ERC1: variants seen among roughly 807,000 people sequenced by gnomAD.
The protein encoded by ERC1 is ELKS/RAB6-interacting/CAST family member 1.
A neutral mutation model predicts 132.0 loss-of-function variants in ERC1; 56 were observed. The observed-to-expected ratio is 0.42, with a 90% CI of 0.34 to 0.53. The LOEUF (loss-of-function observed/expected upper bound fraction) is 0.53, where lower values mean the gene tolerates loss of function less well. Ranked by LOEUF, ERC1 falls within the 20% of genes least tolerant of loss-of-function variation. ERC1 has a pLI of 0.03. For synonymous variants in ERC1, 478 were observed against 476.1 expected, an observed-to-expected ratio of 1.00 and a Z score of -0.05; for missense variants, 1,202 against 1,349.9, an observed-to-expected ratio of 0.89 and a Z score of 1.72.
At chr12:1,334,988 G>A (rs1282725065) in intron 15 of ERC1, among the ~76,000 whole-genome samples, 1 of 152,046 alleles carries the variant, frequency 6.6e-6, no homozygotes. Context: ...ACTTTTTCAG[G>A]CACGTGTAAA....
chr12:1,116,421 T>C (rs1946447565), intron 7 of ERC1, among the ~76,000 whole-genome samples: 1 of 152,182 alleles, frequency 6.6e-6, no homozygotes, highest in Admixed American at 6.5e-5. Flanking sequence ...TGGAGTACAT[T>C]TAAGTGTCTT....
intron 1 of ERC1, among the ~76,000 whole-genome samples, chr12:1,012,641 A>C (rs966837736): frequency 2.0e-5 from 3 of 151,722 alleles, no homozygotes; most frequent in African/African-American, 7.3e-5. Flanking sequence ...TTTTTAGTAG[A>C]GACGGGGTTT....
intron 2 of ERC1, among the ~76,000 whole-genome samples, chr12:1,041,435 G>C (rs2154160200): frequency 6.6e-6 from 1 of 152,274 alleles, no homozygotes; most frequent in East Asian, 1.9e-4. Context: ...TGGAACTCCT[G>C]ACCTCAGGTG....
At chr12:1,050,670 C>CT (rs1269337372) in intron 2 of ERC1, among the ~76,000 whole-genome samples, 22 of 152,046 alleles carry the variant, frequency 1.4e-4, no homozygotes, top group Non-Finnish European at 2.6e-4. Flanking sequence ...TAAAATGAAA[C>CT]TGTCACTACT....
chr12:1,016,729 C>G (rs1965588115), intron 1 of ERC1, among the ~76,000 whole-genome samples: 1 of 150,050 alleles, frequency 6.7e-6, no homozygotes, highest in African/African-American at 2.5e-5. Flanking sequence ...CGGCTCACTG[C>G]AACCTCCGCC....
chr12:1,098,836 A>G (rs575946590), intron 3 of ERC1, among the ~76,000 whole-genome samples: 5 of 152,222 alleles, frequency 3.3e-5, no homozygotes, highest in Admixed American at 6.5e-5. Flanking sequence ...TTAGATGGAA[A>G]AGAGAAAAAG....
At chr12:1,021,553 G>A (rs1184737950) in intron 1 of ERC1, among the ~76,000 whole-genome samples, 1 of 151,976 alleles carries the variant, frequency 6.6e-6, no homozygotes, top group East Asian at 1.9e-4. Context: ...CAAAAAATTA[G>A]CCGGGCGTGG....
At chr12:1,022,092 A>G (rs1007340239) in intron 1 of ERC1, among the ~76,000 whole-genome samples, 1 of 152,180 alleles carries the variant, frequency 6.6e-6, no homozygotes, top group African/African-American at 2.4e-5. Flanking sequence ...TCCTATCTCT[A>G]TTCTCCTATA....
At chr12:1,457,246 C>T (rs185663687) in intron 18 of ERC1, among the ~76,000 whole-genome samples, 6 of 152,260 alleles carry the variant, frequency 3.9e-5, no homozygotes, top group Admixed American at 3.3e-4. Flanking sequence ...GACCTCCTGA[C>T]GATGCATTTC....
chr12:1,035,839 G>A (rs550896559), intron 2 of ERC1, among the ~76,000 whole-genome samples: 15 of 152,018 alleles, frequency 9.9e-5, no homozygotes, highest in Middle Eastern at 3.4e-3. Flanking sequence ...GGAGAATGGC[G>A]TGAACCCGAG....
chr12:1,218,693 T>C (rs1376999754), intron 12 of ERC1, among the ~76,000 whole-genome samples: 2 of 152,046 alleles, frequency 1.3e-5, no homozygotes, highest in Admixed American at 1.3e-4. Flanking sequence ...ACTGTTTTCT[T>C]CTGGTATCTC....
At chr12:1,235,356 C>G (rs942980700) in intron 12 of ERC1, among the ~76,000 whole-genome samples, 3 of 152,056 alleles carry the variant, frequency 2.0e-5, no homozygotes, top group African/African-American at 7.2e-5. Context: ...GAGATCCCAT[C>G]TCGGAAGAAA....
intron 1 of ERC1, among the ~76,000 whole-genome samples, chr12:1,009,320 G>A (rs981536389): frequency 2.0e-4 from 31 of 151,998 alleles, no homozygotes; most frequent in Admixed American, 2.0e-3. Context: ...GACTACAGGT[G>A]CCCGCCACCA....
Position 1,491,187 on chromosome 12 carries a change from T to C in ERC1, c.*957T>C, listed in dbSNP as rs2094315384. On this transcript the variant is annotated 3_prime_UTR_variant, in exon 19 of 19. Transcript: ENST00000360905. ...CCGTTGCTCTTGGGCTGGTTTCCCC[T>C]GAACACCTCCAAGAGGCTGCCTGCC... 1 of 231,644 alleles carries C rather than the reference T, an allele frequency of 4.3e-6. No individual in the cohort carries two copies. Among genetic ancestry groups the C allele is most frequent in the Admixed American group, 5.6e-5 (1 of 17,720 alleles). 14.3% of individuals were successfully genotyped at this position (231,644 alleles called of 1,614,324 possible). A position where few individuals can be genotyped will look rare whatever the true frequency, so the allele number is the denominator to read the frequency against.
chr12:1,443,332 ACT>A (rs1592100829), intron 17 of ERC1: 1 of 152,154 alleles, frequency 6.6e-6, no homozygotes, highest in East Asian at 1.9e-4. Context: ...TCTTAAAAAA[ACT>A]CTTGTTGAAA....
chr12:1,457,981 A>G (rs1181512725), intron 18 of ERC1, among the ~76,000 whole-genome samples: 2 of 152,244 alleles, frequency 1.3e-5, no homozygotes, highest in East Asian at 3.8e-4. Context: ...ATGGTCAGTG[A>G]GGCTGGTGCC....
intron 10 of ERC1, among the ~76,000 whole-genome samples, chr12:1,182,641 T>C (rs1954606569): frequency 6.6e-6 from 1 of 150,760 alleles, no homozygotes; most frequent in Non-Finnish European, 1.5e-5. Context: ...GAATTTTTCT[T>C]TTAATAGGGA....
chr12:1,012,567 G>A (rs1405457700), intron 1 of ERC1, among the ~76,000 whole-genome samples: 2 of 151,356 alleles, frequency 1.3e-5, no homozygotes, highest in African/African-American at 4.9e-5. Flanking sequence ...CCACCTCCTG[G>A]GTTCAAGCTA....
At chr12:1,407,420 C>A (rs977654594) in intron 16 of ERC1, among the ~76,000 whole-genome samples, 1 of 151,944 alleles carries the variant, frequency 6.6e-6, no homozygotes, top group Non-Finnish European at 1.5e-5. Flanking sequence ...AGCATGGTGG[C>A]GTGCACCTGT....
Sources: gnomAD v4.1 joint callset for allele counts (sites outside exome capture counted in the v4.1 genomes callset) on GRCh38, gnomAD v4.1.1 for gene constraint, MANE v1.5 for transcripts, NCBI Gene and HGNC (gene_info 2026-07-23, HGNC 2026-07-21) for gene names.